Variants in CNTN1 observed in about 807,000 individuals in gnomAD.
The protein encoded by CNTN1 is contactin 1.
In CNTN1, 38 loss-of-function variants were observed where a neutral mutation model predicts 126.4. The observed-to-expected ratio is 0.30, with a 90% CI of 0.23 to 0.39. CNTN1 has a LOEUF of 0.39. CNTN1 is among the 10% of genes least tolerant of loss of function. CNTN1 has a pLI of 1.00. For missense variants in CNTN1, 1,009 were observed against 1,248.4 expected (o/e 0.81, Z 2.89); for synonymous variants, 413 against 422.6 (o/e 0.98, Z 0.28).
At chr12:40,844,447 T>C (rs1579194) in intron 1 of CNTN1, among the ~76,000 whole-genome samples, 36,801 of 152,106 alleles carry the variant, frequency 0.24, 4,965 homozygotes, top group South Asian at 0.36. Flanking sequence ...GAAAGTAGAA[T>C]GTAGCCCTCA....
At chr12:40,964,525 A>AGTGTGT (rs369450437) in intron 15 of CNTN1, among the ~76,000 whole-genome samples, 6,909 of 104,762 alleles carry the variant, frequency 0.066, 228 homozygotes, top group African/African-American at 0.11. Flanking sequence ...CGTGTAAGTG[A>AGTGTGT]GTGTGTGTGT....
At chr12:40,702,451 T>C (rs187485901) in intron 1 of CNTN1, among the ~76,000 whole-genome samples, 198 of 152,334 alleles carry the variant, frequency 1.3e-3, no homozygotes, top group Non-Finnish European at 2.6e-3. Flanking sequence ...TTCTTTTTCT[T>C]TTTTCTCTTT....
intron 17 of CNTN1, among the ~76,000 whole-genome samples, chr12:40,994,902 C>G (rs1285587511): frequency 6.6e-6 from 1 of 151,982 alleles, no homozygotes; most frequent in Non-Finnish European, 1.5e-5. Flanking sequence ...TTTGAGAAAA[C>G]TCAATGTATG....
chr12:40,843,256 T>A (rs186276763), intron 1 of CNTN1, among the ~76,000 whole-genome samples: 335 of 152,298 alleles, frequency 2.2e-3, no homozygotes, highest in African/African-American at 7.5e-3. Flanking sequence ...GTTCAGGTGA[T>A]AAAGCATAAA....
chr12:40,797,276 G>A (rs907378157), intron 1 of CNTN1, among the ~76,000 whole-genome samples: 3 of 152,098 alleles, frequency 2.0e-5, no homozygotes, highest in Non-Finnish European at 4.4e-5. Context: ...GATATTGTGA[G>A]TATCACAGGA....
At chr12:40,718,421 C>T (rs905964893) in intron 1 of CNTN1, among the ~76,000 whole-genome samples, 8 of 152,026 alleles carry the variant, frequency 5.3e-5, no homozygotes, top group South Asian at 2.1e-4. Context: ...CCTCATAATC[C>T]GCCCGCCTGG....
At chr12:40,952,341 T>C (rs1431911532) in intron 14 of CNTN1, among the ~76,000 whole-genome samples, 1 of 152,096 alleles carries the variant, frequency 6.6e-6, no homozygotes, top group Non-Finnish European at 1.5e-5. Flanking sequence ...AGTTTCATTA[T>C]TAGGGCTATG....
chr12:40,948,538 T>C (rs1946526632), intron 14 of CNTN1, among the ~76,000 whole-genome samples: 1 of 152,002 alleles, frequency 6.6e-6, no homozygotes, highest in Non-Finnish European at 1.5e-5. Flanking sequence ...GTTTTCAAAG[T>C]GAGGAAAGTG....
intron 14 of CNTN1, among the ~76,000 whole-genome samples, chr12:40,950,097 G>GGTGTGTGTGTGTGTGT (rs59713493): frequency 2.8e-5 from 4 of 145,334 alleles, no homozygotes; most frequent in East Asian, 2.1e-4. Flanking sequence ...GTGTTGAGAG[G>GGTGTGTGTGTGTGTGT]GTGTGTGTGT....
intron 3 of CNTN1, among the ~76,000 whole-genome samples, chr12:40,911,504 A>G (rs919298289): frequency 6.6e-6 from 1 of 152,200 alleles, no homozygotes; most frequent in Non-Finnish European, 1.5e-5. Flanking sequence ...AAAATAGCCT[A>G]TGGCTGCTTT....
At chr12:40,815,587 A>T (rs71449779) in intron 1 of CNTN1, among the ~76,000 whole-genome samples, 5,144 of 152,254 alleles carry the variant, frequency 0.034, 121 homozygotes, top group Middle Eastern at 0.11. Flanking sequence ...AAATCATGTC[A>T]TCTACAAACA....
At chr12:40,818,859 G>A (rs995942872) in intron 1 of CNTN1, among the ~76,000 whole-genome samples, 2 of 152,006 alleles carry the variant, frequency 1.3e-5, no homozygotes, top group Non-Finnish European at 2.9e-5. Flanking sequence ...GTTTTTCTGG[G>A]GGCCTTTTTG....
At chr12:40,962,119 C>T (rs1484186087) in intron 15 of CNTN1, among the ~76,000 whole-genome samples, 1 of 152,088 alleles carries the variant, frequency 6.6e-6, no homozygotes, top group Non-Finnish European at 1.5e-5. Flanking sequence ...ATGATTATGC[C>T]TTATCAGAGA....
chr12:41,063,441 G>C (rs1417076074), intron 23 of CNTN1, among the ~76,000 whole-genome samples: 3 of 152,174 alleles, frequency 2.0e-5, no homozygotes, highest in African/African-American at 7.2e-5. Context: ...ACAAGTTTGG[G>C]AGATACTGAT....
chr12:40,922,118 G>T, intron 4 of CNTN1, 138 bp from the exon 5 acceptor site: 1 of 736,982 alleles, frequency 1.4e-6, no homozygotes, highest in East Asian at 2.7e-5. Context: ...AGAGTACAAA[G>T]AAATACCACC....
intron 17 of CNTN1, among the ~76,000 whole-genome samples, chr12:40,994,166 A>G (rs1262514758): frequency 6.6e-6 from 1 of 152,130 alleles, no homozygotes; most frequent in Non-Finnish European, 1.5e-5. Context: ...GATAAATAAT[A>G]CAGATAATAT....
At chr12:41,065,217 G>T (rs139318007) in intron 23 of CNTN1, among the ~76,000 whole-genome samples, 3,350 of 152,102 alleles carry the variant, frequency 0.022, 124 homozygotes, top group African/African-American at 0.076. Context: ...CACCAAGCCC[G>T]GCTACTTTTT....
intron 1 of CNTN1, among the ~76,000 whole-genome samples, chr12:40,717,000 G>C (rs7959614): frequency 0.021 from 3,259 of 152,086 alleles, 112 homozygotes; most frequent in African/African-American, 0.075. Context: ...AGAAAATAAT[G>C]GTTTATATAT....
chr12:40,758,884 TTATA>T (rs59939375), intron 1 of CNTN1, among the ~76,000 whole-genome samples: 1 of 150,554 alleles, frequency 6.6e-6, no homozygotes. Flanking sequence ...GATTCAGGTT[TTATA>T]TATATATATA....
Sources: allele counts gnomAD v4.1 joint callset (sites outside exome capture counted in the v4.1 genomes callset), GRCh38; gene constraint gnomAD v4.1.1; transcripts MANE v1.5; gene names NCBI Gene and HGNC (gene_info 2026-07-23, HGNC 2026-07-21).